The following PACRGL variants were observed in gnomAD, a reference collection of about 807,000 sequenced individuals.
PACRGL encodes the protein PACRG-like protein.
In PACRGL, 38 loss-of-function variants were observed where a neutral mutation model predicts 34.5. The ratio of observed to expected loss-of-function variants is 1.10; its 90% confidence interval spans 0.85 to 1.44. The LOEUF (loss-of-function observed/expected upper bound fraction) is 1.44, where lower values mean the gene tolerates loss of function less well. PACRGL is among the 40% of genes most tolerant of loss of function. PACRGL has a pLI of 0.00. For missense variants in PACRGL, 305 were observed against 281.4 expected, an observed-to-expected ratio of 1.08 and a Z score of -0.60; for synonymous variants, 128 against 100.1, an observed-to-expected ratio of 1.28 and a Z score of -1.66.
rs979647027 is a variant in PACRGL, at chr4:20,728,709, G to A, written c.*1368G>A. 2 of 152,574 alleles carry A rather than the reference G, an allele frequency of 1.3e-5. No homozygotes were observed. The highest frequency in any genetic ancestry group is 3.9e-4 in the East Asian group (2 of 5,194). The allele number at this position is 152,574 out of a possible 1,614,324, so 9.5% of individuals were successfully genotyped here. A position where few individuals can be genotyped will look rare whatever the true frequency, so the allele number is the denominator to read the frequency against. On this transcript the variant is annotated 3_prime_UTR_variant, in exon 9 of 9. Coordinates refer to ENST00000503585, the MANE Select transcript of PACRGL (RefSeq NM_001258345.3). The stretch of plus-strand genomic sequence containing the variant: ...CGTGATGGCAAATTTCAGTGTACAT[G>A]TATTGTACTACTCTTAATTTCTACA...
Position 20,727,465 on chromosome 4 carries a change from G to A in PACRGL, c.*124G>A. ...CATTCATTATTTACTAGGTTAAGATGAATAGACACTGAATCAAAGTTATTC... is the reference window on the plus strand; with the variant it reads ...CATTCATTATTTACTAGGTTAAGATAAATAGACACTGAATCAAAGTTATTC... On this transcript the variant is annotated 3_prime_UTR_variant, in exon 9 of 9. Coordinates refer to ENST00000503585, the MANE Select transcript of PACRGL (RefSeq NM_001258345.3). 1.4e-6 allele frequency: 1 copy of A among 698,638 alleles called. No individual in the cohort carries two copies. Among genetic ancestry groups the A allele is most frequent in the Non-Finnish European group, 2.4e-6 (1 of 419,432 alleles). 43.3% of individuals were successfully genotyped at this position (698,638 alleles called of 1,614,324 possible).
chr4:20,753,301 GA>G (rs1413827868), downstream of PACRGL, among the ~76,000 whole-genome samples: 1 of 152,012 alleles, frequency 6.6e-6, no homozygotes, highest in African/African-American at 2.4e-5. Context: ...TACTAGAGTA[GA>G]AAAAACCCCT....
chr4:20,721,723 C>T (rs527884049), intron 7 of PACRGL, among the ~76,000 whole-genome samples: 1 of 152,330 alleles, frequency 6.6e-6, no homozygotes, highest in Admixed American at 6.5e-5. Flanking sequence ...TGTGAGGTGT[C>T]AGTCTGCCCC....
At chr4:20,718,866 C>T (rs1364532938) in intron 7 of PACRGL, 1 of 152,184 alleles carries the variant, frequency 6.6e-6, no homozygotes, top group African/African-American at 2.4e-5. Flanking sequence ...AGGGAGGATT[C>T]CCTCTTTTTC....
intron 7 of PACRGL, among the ~76,000 whole-genome samples, chr4:20,723,966 A>G (rs920097339): frequency 2.0e-5 from 3 of 152,088 alleles, no homozygotes; most frequent in African/African-American, 4.8e-5. Flanking sequence ...CATACATTTC[A>G]GCCTCAAAGC....
chr4:20,747,907 C>A (rs191788866), intron 8 of PACRGL, among the ~76,000 whole-genome samples: 1 of 152,276 alleles, frequency 6.6e-6, no homozygotes, highest in East Asian at 1.9e-4. Flanking sequence ...GCTGCCTACG[C>A]CCATATGAAC....
rs34932810 is a variant in PACRGL, at chr4:20,703,477, A to AGTGTGTGTGTGTGT, written c.-16-968_-16-955dup. Among the ~76,000 whole-genome samples, 604 of 141,516 alleles carry AGTGTGTGTGTGTGT rather than the reference A, an allele frequency of 4.3e-3. 3 individuals are homozygous for AGTGTGTGTGTGTGT. Among genetic ancestry groups the AGTGTGTGTGTGTGT allele is most frequent in the African/African-American group, 0.015 (577 of 38,258 alleles). 92.8% of individuals were successfully genotyped at this position (141,516 alleles called of 152,430 possible). On this transcript the variant is annotated intron_variant, in intron 1 of 8. Coordinates refer to ENST00000503585, the MANE Select transcript of PACRGL (RefSeq NM_001258345.3). ...ATACCAGTAGGCACTTGGGTATATG[A>AGTGTGTGTGTGTGT]GTGTGTGTGTGTGTGTGTGTGTGTG...
Position 20,731,916 on chromosome 4 carries a change from A to G in PACRGL, c.*4575A>G, listed in dbSNP as rs1748356345. The stretch of plus-strand genomic sequence containing the variant: ...GTAAACTTAGGCATATGATCTCTAT[A>G]TTTCGCCCAGTTCATGGTAGCTAGC... On this transcript the variant is annotated 3_prime_UTR_variant, in exon 9 of 9. Coordinates refer to ENST00000503585, the MANE Select transcript of PACRGL (RefSeq NM_001258345.3). 1.9e-6 allele frequency: 3 copies of G among 1,558,596 alleles called. No individual in the cohort carries two copies. The highest frequency in any genetic ancestry group is 2.6e-6 in the Non-Finnish European group (3 of 1,151,476).
the PACRGL span, among the ~76,000 whole-genome samples, chr4:20,766,298 G>A: frequency 6.6e-6 from 1 of 152,158 alleles, no homozygotes; most frequent in Non-Finnish European, 1.5e-5. Flanking sequence ...GCCAGGCACG[G>A]TGGGTCATGC....
chr4:20,720,417 C>A (rs941184010), intron 7 of PACRGL, among the ~76,000 whole-genome samples: 2 of 152,158 alleles, frequency 1.3e-5, no homozygotes, highest in Non-Finnish European at 2.9e-5. Context: ...GCAGTTTCTT[C>A]CTAGCCTCGA....
At chr4:20,762,005 T>G in the PACRGL span, among the ~76,000 whole-genome samples, 1 of 152,156 alleles carries the variant, frequency 6.6e-6, no homozygotes, top group African/African-American at 2.4e-5. Context: ...GGAACCTCTA[T>G]CCAACTAGAA....
rs1259493006 is a variant in PACRGL, at chr4:20,728,166, GTT to G, written c.*827_*828del. On this transcript the variant is annotated 3_prime_UTR_variant, in exon 9 of 9. Transcript: ENST00000503585. ...CTTGGAAAATTTTCAGAGTATTCTAGTTTAAAAAATTTTTTCTAATTCTGTAA... is the reference window on the plus strand; with the variant it reads ...CTTGGAAAATTTTCAGAGTATTCTAGTAAAAAATTTTTTCTAATTCTGTAA... 1.3e-5 allele frequency: 2 copies of G among 152,014 alleles called. No homozygotes were observed. The highest frequency in any genetic ancestry group is 4.8e-5 in the African/African-American group (2 of 41,320). 9.4% of individuals were successfully genotyped at this position (152,014 alleles called of 1,614,324 possible).
At chr4:20,700,412 C>T (rs978839342), upstream of PACRGL, 26 of 152,300 alleles carry the variant, frequency 1.7e-4, no homozygotes, top group African/African-American at 6.3e-4. Flanking sequence ...CGTCTGACGT[C>T]ATTGCGCGGC....
At position 20,730,646 on chromosome 4, in the gene PACRGL, T is replaced by C. The variant is rs1016572359; in HGVS notation, c.*3305T>C. On this transcript the variant is annotated 3_prime_UTR_variant, in exon 9 of 9. Transcript: ENST00000503585. ...CATCTCTCTTTCTGTCTGCTAGTTA[T>C]GGCTAAAGCTGCATGGCCTGAAGGA... Among the ~76,000 whole-genome samples, 1 of 152,214 alleles carries C rather than the reference T, an allele frequency of 6.6e-6. No homozygotes were observed. The highest frequency in any genetic ancestry group is 1.5e-5 in the Non-Finnish European group (1 of 68,042).
chr4:20,743,445 G>A (rs1751657069), intron 8 of PACRGL, among the ~76,000 whole-genome samples: 1 of 152,088 alleles, frequency 6.6e-6, no homozygotes, highest in Admixed American at 6.5e-5. Flanking sequence ...GAACAGAACA[G>A]AGCCCTCGGA....
Position 20,724,878 on chromosome 4 carries a change from A to G in PACRGL, c.680A>G (p.His227Arg), listed in dbSNP as rs1744959583. ...ITSALQKLEQ[H>R]GGSGSLSIIK... The stretch of plus-strand genomic sequence containing the variant: ...AGCGCATTACAAAAGCTAGAGCAAC[A>G]TGGTGGAAGTGTAAGTAGAATATTA... The change falls in exon 8 of 9, where the codon CAT becomes CGT. Residue 227 changes from histidine to arginine, a missense_variant. Coordinates refer to ENST00000503585, the MANE Select transcript of PACRGL (RefSeq NM_001258345.3). The G allele has an allele frequency of 3.4e-6, 5 of 1,482,486 alleles. No homozygotes were observed. Among genetic ancestry groups the G allele is most frequent in the South Asian group, 2.7e-5 (2 of 74,140 alleles). 91.8% of individuals were successfully genotyped at this position (1,482,486 alleles called of 1,614,324 possible). A position where few individuals can be genotyped will look rare whatever the true frequency, so the allele number is the denominator to read the frequency against.
intron 1 of PACRGL, chr4:20,702,191 T>TA: frequency 4.4e-6 from 2 of 456,654 alleles, no homozygotes; most frequent in Non-Finnish European, 8.8e-6. Context: ...AATTTAGCCA[T>TA]AAAATTCCAT....
rs762174523 is a variant in PACRGL at position 20,707,886 on chromosome 4, T to C, written c.275+16T>C. 3 of 1,576,892 alleles carry C rather than the reference T, an allele frequency of 1.9e-6. No homozygotes were observed. The highest frequency in any genetic ancestry group is 2.6e-6 in the Non-Finnish European group (3 of 1,148,556). ...TTCCTTGCAGGTAAAATCAATATGA[T>C]TTATAACTGACCAAATTATTCAAAA... On this transcript the variant is annotated intron_variant, in intron 4 of 8. Transcript: ENST00000503585.
At chr4:20,707,521 C>T (rs1051508304) in intron 3 of PACRGL, among the ~76,000 whole-genome samples, 2 of 152,204 alleles carry the variant, frequency 1.3e-5, no homozygotes. Context: ...CCATAGAGTC[C>T]TCACCTTGAA....
Sources: allele counts gnomAD v4.1 joint callset (sites outside exome capture counted in the v4.1 genomes callset), GRCh38; gene constraint gnomAD v4.1.1; transcripts MANE v1.5; gene names NCBI Gene and HGNC (gene_info 2026-07-23, HGNC 2026-07-21).